AVL9: variants seen among roughly 807,000 people sequenced by gnomAD.
The protein encoded by AVL9 is late secretory pathway protein AVL9 homolog.
A neutral mutation model predicts 79.2 loss-of-function variants in AVL9; 49 were observed. That is an observed-to-expected ratio of 0.62 (90% CI 0.49 to 0.79). The LOEUF (loss-of-function observed/expected upper bound fraction) is 0.79, where lower values mean the gene tolerates loss of function less well. Among genes scored for constraint, AVL9 ranks in the 30% least tolerant of loss-of-function variants. AVL9 has a pLI of 0.00. For missense variants in AVL9, 682 were observed against 776.8 expected, an observed-to-expected ratio of 0.88 and a Z score of 1.45; for synonymous variants, 299 against 280.6, an observed-to-expected ratio of 1.07 and a Z score of -0.65.
At chr7:32,520,869 T>G (rs553383647) in intron 1 of AVL9, among the ~76,000 whole-genome samples, 1 of 152,236 alleles carries the variant, frequency 6.6e-6, no homozygotes, top group African/African-American at 2.4e-5. Context: ...CTCCCCGAAT[T>G]CACATGTGTT....
intron 1 of AVL9, chr7:32,538,632 G>C (rs896448423): frequency 9.9e-5 from 15 of 152,136 alleles, no homozygotes; most frequent in African/African-American, 3.6e-4. Context: ...CTCCTCTCCA[G>C]AGTTAAAACC....
chr7:32,586,739 T>C lies in AVL9; in HGVS notation c.*2832T>C, dbSNP rs1791807311. The C allele has an allele frequency of 6.6e-6, 1 of 152,244 alleles. No homozygotes were observed. Among genetic ancestry groups the C allele is most frequent in the South Asian group, 2.1e-4 (1 of 4,828 alleles). 9.4% of individuals were successfully genotyped at this position (152,244 alleles called of 1,614,324 possible). A position where few individuals can be genotyped will look rare whatever the true frequency, so the allele number is the denominator to read the frequency against. Reference sequence around the variant, plus strand: ...GCGCCAGGCACACACACTACATCAATGGCTTGCTGGTGGCTTCACCACTAT... The same window carrying C: ...GCGCCAGGCACACACACTACATCAACGGCTTGCTGGTGGCTTCACCACTAT... On this transcript the variant is annotated 3_prime_UTR_variant, in exon 16 of 16. Transcript: ENST00000318709.
chr7:32,506,722 G>A (rs1426824992), intron 1 of AVL9, among the ~76,000 whole-genome samples: 1 of 150,518 alleles, frequency 6.6e-6, no homozygotes, highest in Non-Finnish European at 1.5e-5. Context: ...GACCAGCCTG[G>A]ACAACATAGA....
chr7:32,583,880 C>T lies in AVL9; in HGVS notation c.1920C>T (p.Leu640=), dbSNP rs776303451. 3.1e-6 allele frequency: 5 copies of T among 1,614,064 alleles called. No individual in the cohort carries two copies. The highest frequency in any genetic ancestry group is 1.1e-5 in the South Asian group (1 of 91,072). Residue 640 remains leucine, a synonymous_variant, in exon 16 of 16, where the codon CTC becomes CTT. Coordinates refer to ENST00000318709, the MANE Select transcript of AVL9 (RefSeq NM_015060.3). ...TCACCACTTCCACCTCCCAAAGTCT[C>T]ACTGAGCCACCAGATGAGAAGCCTT... is the stretch of plus-strand genomic sequence containing the variant. ...STFTTSTSQS[L]TEPPDEKP
At position 32,543,157 on chromosome 7, in the gene AVL9, C is replaced by A; in HGVS notation, c.110C>A (p.Pro37Gln). 6.2e-7 allele frequency: 1 copy of A among 1,614,060 alleles called. No individual in the cohort carries two copies. The highest frequency in any genetic ancestry group is 8.5e-7 in the Non-Finnish European group (1 of 1,180,018). ...CTATTTTAGGTTGAATTCTCTTACC[C>A]GCCCCTGATTCCAGGAGATGGACAT... ...KKGCQVEFSY[P>Q]PLIPGDGHDS... The change falls in exon 2 of 16, where the codon CCG becomes CAG. Residue 37 changes from proline to glutamine, a missense_variant. Coordinates refer to ENST00000318709, the MANE Select transcript of AVL9 (RefSeq NM_015060.3).
intron 1 of AVL9, among the ~76,000 whole-genome samples, chr7:32,519,161 G>A (rs369757927): frequency 1.3e-4 from 20 of 152,218 alleles, no homozygotes; most frequent in African/African-American, 4.8e-4. Context: ...GGGCATGGTG[G>A]CTCACGCCTG....
intron 13 of AVL9, among the ~76,000 whole-genome samples, chr7:32,578,763 CGCCACT>C (rs1554347714): frequency 3.3e-5 from 5 of 152,060 alleles, no homozygotes; most frequent in Non-Finnish European, 5.9e-5. Flanking sequence ...GCTGAGATTG[CGCCACT>C]GCACTCCAGC....
intron 11 of AVL9, among the ~76,000 whole-genome samples, chr7:32,570,475 T>C (rs1306483983): frequency 6.6e-6 from 1 of 152,200 alleles, no homozygotes; most frequent in Non-Finnish European, 1.5e-5. Context: ...CTCATGATTT[T>C]TAACATGTGT....
chr7:32,499,252 T>C (rs937977322), intron 1 of AVL9, among the ~76,000 whole-genome samples: 4 of 152,074 alleles, frequency 2.6e-5, no homozygotes, highest in Admixed American at 6.6e-5. Flanking sequence ...TGGCTTGTTA[T>C]AGATTGTGTA....
Position 32,576,033 on chromosome 7 carries a change from A to ACAGC in AVL9, c.1650_1653dup (p.Asn552GlnfsTer36). ...AATACTCACAACTACAGGGTGTGGA[A>ACAGC]CAGCAACAAGCATCCAGCACTTGCA... On this transcript the variant is annotated frameshift_variant, in exon 13 of 16. Coordinates refer to ENST00000318709, the MANE Select transcript of AVL9 (RefSeq NM_015060.3). LOFTEE classifies it high-confidence loss of function. 1 of 1,614,092 alleles carries ACAGC rather than the reference A, an allele frequency of 6.2e-7. No individual in the cohort carries two copies. Among genetic ancestry groups the ACAGC allele is most frequent in the Admixed American group, 1.7e-5 (1 of 60,010 alleles).
chr7:32,536,486 A>C (rs1788914739), intron 1 of AVL9: 1 of 152,152 alleles, frequency 6.6e-6, no homozygotes, highest in African/African-American at 2.4e-5. Context: ...TTAAAACATG[A>C]AAAACATACA....
intron 1 of AVL9, among the ~76,000 whole-genome samples, chr7:32,497,900 C>G (rs1424004898): frequency 6.6e-6 from 1 of 152,210 alleles, no homozygotes; most frequent in Non-Finnish European, 1.5e-5. Context: ...ATCCGCCCGC[C>G]TCGGCCTCCC....
Position 32,513,947 on chromosome 7 carries a change from C to T in AVL9, c.93+18145C>T, listed in dbSNP as rs556636823. Among the ~76,000 whole-genome samples the T allele has an allele frequency of 8.8e-4, 134 of 152,336 alleles. 2 individuals carry two copies. The highest frequency in any genetic ancestry group is 3.1e-3 in the African/African-American group (128 of 41,574). On this transcript the variant is annotated intron_variant, in intron 1 of 15. Coordinates refer to ENST00000318709, the MANE Select transcript of AVL9 (RefSeq NM_015060.3). ...GCACATAGGCTAGTTTTATGTTTAA[C>T]TTTACATAAACATTTCAGTGCAGTA...
At chr7:32,534,836 T>C (rs1788824307) in intron 1 of AVL9, 1 of 152,154 alleles carries the variant, frequency 6.6e-6, no homozygotes, top group South Asian at 2.1e-4. Flanking sequence ...TAATCCCAGC[T>C]ACTCGGGAGG....
At chr7:32,562,639 AC>A in intron 10 of AVL9, 1 of 984,436 alleles carries the variant, frequency 1.0e-6, no homozygotes, top group Non-Finnish European at 1.2e-6. Flanking sequence ...GTTACACTGG[AC>A]TGGACATAGC....
chr7:32,578,612 A>C (rs1263199290), intron 13 of AVL9, among the ~76,000 whole-genome samples: 1 of 152,158 alleles, frequency 6.6e-6, no homozygotes, highest in African/African-American at 2.4e-5. Flanking sequence ...GTTCAAGACC[A>C]GCCTGGGCAA....
Position 32,580,804 on chromosome 7 carries a change from C to G in AVL9, c.1745C>G (p.Ser582Cys). 6.2e-7 allele frequency: 1 copy of G among 1,612,020 alleles called. No homozygotes were observed. Among genetic ancestry groups the G allele is most frequent in the East Asian group, 2.2e-5 (1 of 44,860 alleles). The change falls in exon 15 of 16, where the codon TCT becomes TGT. Residue 582 changes from serine to cysteine, a missense_variant and splice_region_variant. Coordinates refer to ENST00000318709, the MANE Select transcript of AVL9 (RefSeq NM_015060.3). ...CTTTTATCTTATCTTTTACCCAGTT[C>G]TGTTCAGAATAGTGAACGTGGCAAA... ...VSDMKLRFSH[S>C]VQNSERGKKI...
rs141869114 is a variant in AVL9 at position 32,504,645 on chromosome 7, T to C, written c.93+8843T>C. On this transcript the variant is annotated intron_variant, in intron 1 of 15. Coordinates refer to ENST00000318709, the MANE Select transcript of AVL9 (RefSeq NM_015060.3). ...ACTGCTAAGATTATTTCCACTTCTATGATTCTAAGATGAAATTAGCAAACA... is the reference window on the plus strand; with the variant it reads ...ACTGCTAAGATTATTTCCACTTCTACGATTCTAAGATGAAATTAGCAAACA... Among the ~76,000 whole-genome samples, 89 of 152,334 alleles carry C rather than the reference T, an allele frequency of 5.8e-4. No individual in the cohort carries two copies. The East Asian group carries it at 0.017, about 29-fold the overall frequency.
chr7:32,532,739 A>C (rs976232232), intron 1 of AVL9: 18 of 152,234 alleles, frequency 1.2e-4, no homozygotes, highest in African/African-American at 4.3e-4. Flanking sequence ...ATTTCCATTT[A>C]ATTTAAAAAC....
Sources: gnomAD v4.1 joint callset for allele counts (sites outside exome capture counted in the v4.1 genomes callset) on GRCh38, gnomAD v4.1.1 for gene constraint, MANE v1.5 for transcripts, NCBI Gene and HGNC (gene_info 2026-07-23, HGNC 2026-07-21) for gene names.